Variants in TTC21A observed in about 807,000 individuals in gnomAD.
The protein encoded by TTC21A is tetratricopeptide repeat protein 21A.
A neutral mutation model predicts 156.4 loss-of-function variants in TTC21A; 128 were observed. That is an observed-to-expected ratio of 0.82 (90% CI 0.71 to 0.95). TTC21A has a LOEUF of 0.95. Among genes scored for constraint, TTC21A ranks in the 40% least tolerant of loss-of-function variants. The pLI is 0.00. For synonymous variants in TTC21A, 587 were observed against 617.1 expected, an observed-to-expected ratio of 0.95 and a Z score of 0.72; for missense variants, 1,435 against 1,602.3, an observed-to-expected ratio of 0.90 and a Z score of 1.78.
intron 2 of TTC21A, 101 bp from the exon 3 acceptor site, chr3:39,109,926 TTA>T: frequency 1.3e-6 from 1 of 784,736 alleles, no homozygotes; most frequent in Non-Finnish European, 2.1e-6. Flanking sequence ...TTCAGACCAG[TTA>T]GTCCAGCAGG....
intron 3 of TTC21A, 71 bp from the exon 4 acceptor site, chr3:39,110,780 G>T: frequency 1.3e-6 from 2 of 1,572,366 alleles, no homozygotes; most frequent in Non-Finnish European, 8.7e-7. Flanking sequence ...CTGGGCCCTC[G>T]GTGGCCCATG....
At chr3:39,121,943 G>A (rs754860669) in intron 9 of TTC21A, among the ~76,000 whole-genome samples, 3 of 152,166 alleles carry the variant, frequency 2.0e-5, no homozygotes, top group Non-Finnish European at 2.9e-5. Context: ...GGTTCAACAT[G>A]TCAGGCTGAC....
Position 39,119,946 on chromosome 3 carries a change from A to C in TTC21A, c.826A>C (p.Ile276Leu). 6.2e-7 allele frequency: 1 copy of C among 1,609,090 alleles called. No individual in the cohort carries two copies. Among genetic ancestry groups the C allele is most frequent in the South Asian group, 1.1e-5 (1 of 90,976 alleles). The change falls in exon 8 of 29, where the codon ATT (isoleucine) becomes CTT (leucine). Residue 276 changes from isoleucine (I) to leucine (L), a missense_variant. Physicochemically the swap from Ile to Leu is conservative, Grantham distance 5. Transcript: ENST00000683103. Reference protein sequence around the residue: ...TTATNHVRNLIKALETREPEN... With the variant: ...TTATNHVRNLLKALETREPEN... ...GGCTACCAATCACGTTAGAAATCTGATTAAGGCACTAGAGACAAGGGAACC... is the reference window on the plus strand; with the variant it reads ...GGCTACCAATCACGTTAGAAATCTGCTTAAGGCACTAGAGACAAGGGAACC...
At chr3:39,124,233 AG>A (rs1014468211) in intron 9 of TTC21A, among the ~76,000 whole-genome samples, 15 of 152,208 alleles carry the variant, frequency 9.9e-5, no homozygotes, top group Non-Finnish European at 2.9e-5. Context: ...GTCCTTCAGT[AG>A]GGCAATAGTT....
chr3:39,124,182 A>T (rs538951823), intron 9 of TTC21A, among the ~76,000 whole-genome samples: 2 of 152,320 alleles, frequency 1.3e-5, no homozygotes, highest in South Asian at 2.1e-4. Flanking sequence ...ATAGCATTGT[A>T]GTATTTAAAT....
chr3:39,109,022 T>C (rs1042898863), intron 1 of TTC21A, 63 bp from the exon 2 acceptor site: 8 of 1,578,456 alleles, frequency 5.1e-6, no homozygotes, highest in South Asian at 4.5e-5. Flanking sequence ...TCTCATCCCA[T>C]CTGGGACAGA....
chr3:39,112,440 A>C lies in TTC21A; in HGVS notation c.436-18A>C. The stretch of plus-strand genomic sequence containing the variant: ...TGCAGGACCAAGGACTTCATCTTTC[A>C]TCTTGTTCTCATCCCAGGCCTATGT... On this transcript the variant is annotated intron_variant, in intron 4 of 28. Transcript: ENST00000683103. The C allele has an allele frequency of 6.2e-7, 1 of 1,613,896 alleles. No homozygotes were observed. The highest frequency in any genetic ancestry group is 8.5e-7 in the Non-Finnish European group (1 of 1,179,884).
Position 39,134,131 on chromosome 3 carries a change from G to A in TTC21A, c.2752-87G>A. On this transcript the variant is annotated intron_variant, in intron 20 of 28. Coordinates refer to ENST00000683103, the MANE Select transcript of TTC21A (RefSeq NM_001366900.1). This position sits in a 1 kb window ranked among gnomAD's most constrained non-coding sequence, Gnocchi z 4.6. ...TTGAAGGCAGAGCTGATAGAAGTGG[G>A]GTGTGAGGGAAAGAGCTGTCAAGGA... is the stretch of plus-strand genomic sequence containing the variant. 1.2e-6 allele frequency: 1 copy of A among 810,408 alleles called. No homozygotes were observed. 50.2% of individuals were successfully genotyped at this position (810,408 alleles called of 1,614,324 possible).
chr3:39,126,144 A>G, intron 11 of TTC21A, 117 bp from the exon 12 acceptor site: 1 of 1,300,310 alleles, frequency 7.7e-7, no homozygotes, highest in Non-Finnish European at 1.1e-6. Context: ...ACAGAGGATA[A>G]TAAATAAGTG....
In TTC21A at chr3:39,110,069, G is replaced by A; in HGVS notation, c.198G>A (p.Arg66=). The A allele has an allele frequency of 6.2e-7, 1 of 1,614,066 alleles. No homozygotes were observed. The highest frequency in any genetic ancestry group is 8.5e-7 in the Non-Finnish European group (1 of 1,180,012). ...QDAISDLESI[R]HHPDVSLCST... ...CCATCAGTGACCTGGAAAGCATCAG[G>A]CATCACCCAGACGTGTCCCTGTGCT... Residue 66 remains arginine (R), a synonymous_variant, in exon 3 of 29, where the codon AGG becomes AGA. Transcript: ENST00000683103.
At position 39,134,423 on chromosome 3, in the gene TTC21A, C is replaced by A; in HGVS notation, c.2862+95C>A. ...AGGCTACTTCCTAGCCCCGTAACCT[C>A]AGATGCCTCACTGACACACCTCTGA... On this transcript the variant is annotated intron_variant, in intron 21 of 28. Transcript: ENST00000683103. The surrounding 1 kb of genome is among the most constrained non-coding windows in gnomAD (Gnocchi z 4.6). 1.1e-6 allele frequency: 1 copy of A among 873,682 alleles called. No homozygotes were observed. The highest frequency in any genetic ancestry group is 2.0e-6 in the Non-Finnish European group (1 of 507,462). The allele number at this position is 873,682 out of a possible 1,614,324, so 54.1% of individuals were successfully genotyped here. A position where few individuals can be genotyped will look rare whatever the true frequency, so the allele number is the denominator to read the frequency against.
At chr3:39,135,786 T>G (rs1250201846) in intron 22 of TTC21A, among the ~76,000 whole-genome samples, 1 of 152,202 alleles carries the variant, frequency 6.6e-6, no homozygotes, top group Non-Finnish European at 1.5e-5. Flanking sequence ...CCGGGCATGG[T>G]GGCTCACACC....
intron 10 of TTC21A, 79 bp downstream of exon 10, chr3:39,125,239 G>A: frequency 6.5e-7 from 1 of 1,536,020 alleles, no homozygotes; most frequent in Admixed American, 1.7e-5. Flanking sequence ...CCAATAGAAA[G>A]CATGCAAGGT....
Position 39,136,318 on chromosome 3 carries a change from T to C in TTC21A, c.2945-39T>C, listed in dbSNP as rs768825760. On this transcript the variant is annotated intron_variant, in intron 22 of 28. Coordinates refer to ENST00000683103, the MANE Select transcript of TTC21A (RefSeq NM_001366900.1). ...AGCACCCTCATCTGATAACAGCTAC[T>C]GGGCATTTCAGCCTGGAGATTTCTG... 3 of 1,591,432 alleles carry C rather than the reference T, an allele frequency of 1.9e-6. No individual in the cohort carries two copies. The African/African-American group carries it at 4.0e-5, about 21-fold the overall frequency.
At chr3:39,136,831 C>A in intron 23 of TTC21A, 68 bp from the exon 24 acceptor site, 1 of 1,567,460 alleles carries the variant, frequency 6.4e-7, no homozygotes, top group Non-Finnish European at 8.7e-7. Flanking sequence ...CAAAGTGGTC[C>A]TTGTATATCC....
chr3:39,120,472 A>G (rs1475546805), intron 8 of TTC21A, among the ~76,000 whole-genome samples: 1 of 152,228 alleles, frequency 6.6e-6, no homozygotes, highest in Non-Finnish European at 1.5e-5. Context: ...CAGGTTGCCA[A>G]CAAATCTGTA....
chr3:39,134,673 T>C lies in TTC21A; in HGVS notation c.2862+345T>C, dbSNP rs1159896801. ...TCCTCGGTCCTGCCTCTCTCTTCCC[T>C]ATCATCCAGACCTCCTCTAGGGCTG... is the stretch of plus-strand genomic sequence containing the variant. On this transcript the variant is annotated intron_variant, in intron 21 of 28. Transcript: ENST00000683103. The surrounding 1 kb of genome is among the most constrained non-coding windows in gnomAD (Gnocchi z 4.6). 2.1e-6 allele frequency: 1 copy of C among 473,436 alleles called. No homozygotes were observed. Among genetic ancestry groups the C allele is most frequent in the African/African-American group, 2.0e-5 (1 of 51,008 alleles). 29.3% of individuals were successfully genotyped at this position (473,436 alleles called of 1,614,324 possible).
At chr3:39,121,245 C>T (rs2037743621) in intron 9 of TTC21A, 56 bp downstream of exon 9, 1 of 1,506,412 alleles carries the variant, frequency 6.6e-7, no homozygotes, top group South Asian at 1.2e-5. Flanking sequence ...AACCGGGCAG[C>T]TTCCATGGGT....
chr3:39,134,981 C>G lies in TTC21A; in HGVS notation c.2863-112C>G. On this transcript the variant is annotated intron_variant, in intron 21 of 28. Coordinates refer to ENST00000683103, the MANE Select transcript of TTC21A (RefSeq NM_001366900.1). The surrounding 1 kb of genome is among the most constrained non-coding windows in gnomAD (Gnocchi z 4.6). ...GGCCTAGGGAGGCTGCCTTGCAAGTCCTTTTCTACCTTCCCTTCTTACCAC... is the reference window on the plus strand; with the variant it reads ...GGCCTAGGGAGGCTGCCTTGCAAGTGCTTTTCTACCTTCCCTTCTTACCAC... The G allele has an allele frequency of 2.1e-6, 2 of 942,814 alleles. No individual in the cohort carries two copies. The highest frequency in any genetic ancestry group is 2.7e-5 in the South Asian group (2 of 73,378). The allele number at this position is 942,814 out of a possible 1,614,324, so 58.4% of individuals were successfully genotyped here.
Sources: gnomAD v4.1 joint callset for allele counts (sites outside exome capture counted in the v4.1 genomes callset) on GRCh38, gnomAD v4.1.1 for gene constraint, Gnocchi (gnomAD v3.1) non-coding constraint, MANE v1.5 for transcripts, NCBI Gene and HGNC (gene_info 2026-07-23, HGNC 2026-07-21) for gene names.